Variants in LRFN5 observed in about 807,000 individuals in gnomAD.
LRFN5 encodes the protein leucine-rich repeat and fibronectin type-III domain-containing protein 5.
LRFN5 carries 24 observed loss-of-function variants against 45.6 expected under a neutral mutation model. That is an observed-to-expected ratio of 0.53 (90% confidence interval 0.38 to 0.74). The LOEUF is 0.74. Among genes scored for constraint, LRFN5 ranks in the 30% least tolerant of loss-of-function variants. LRFN5 has a pLI of 0.00. For synonymous variants in LRFN5, 340 were observed against 313.8 expected (o/e 1.08, Z -0.88); for missense variants, 776 against 861.5 (o/e 0.90, Z 1.24).
chr14:41,733,082 C>CA (rs1884251477), intron 1 of LRFN5, among the ~76,000 whole-genome samples: 1 of 150,446 alleles, frequency 6.6e-6, no homozygotes, highest in African/African-American at 2.5e-5. Context: ...ACAAAAGGAC[C>CA]ATTGGTATGT....
intron 1 of LRFN5, among the ~76,000 whole-genome samples, chr14:41,670,213 G>GTA (rs1277887662): frequency 7.7e-6 from 1 of 130,158 alleles, no homozygotes; most frequent in African/African-American, 2.9e-5. Flanking sequence ...CTGTGTGTGT[G>GTA]TGTATATATA....
intron 2 of LRFN5, among the ~76,000 whole-genome samples, chr14:41,876,695 C>G (rs1394738385): frequency 1.3e-5 from 2 of 152,032 alleles, no homozygotes; most frequent in Non-Finnish European, 2.9e-5. Context: ...TTACTACCTA[C>G]CTGCCCTCTC....
intron 1 of LRFN5, among the ~76,000 whole-genome samples, chr14:41,747,177 A>C (rs969059407): frequency 1.5e-4 from 23 of 151,948 alleles, no homozygotes; most frequent in African/African-American, 5.1e-4. Context: ...TTGTTGAAGA[A>C]ATTTTTAAAA....
At chr14:41,828,251 GTTA>G (rs1341822879) in intron 2 of LRFN5, among the ~76,000 whole-genome samples, 2 of 151,852 alleles carry the variant, frequency 1.3e-5, no homozygotes, top group African/African-American at 4.8e-5. Context: ...AGTTATTGCT[GTTA>G]TTATAGGATA....
intron 2 of LRFN5, among the ~76,000 whole-genome samples, chr14:41,866,090 G>T (rs559451010): frequency 6.6e-6 from 1 of 152,104 alleles, no homozygotes; most frequent in Admixed American, 6.6e-5. Context: ...TATTATTTGG[G>T]ATTTGATGAC....
intron 2 of LRFN5, among the ~76,000 whole-genome samples, chr14:41,881,059 A>G (rs1314342051): frequency 6.6e-6 from 1 of 152,138 alleles, no homozygotes; most frequent in African/African-American, 2.4e-5. Flanking sequence ...TAGGCAGGAT[A>G]AAAACCTTTG....
intron 1 of LRFN5, among the ~76,000 whole-genome samples, chr14:41,732,847 A>G (rs1273860488): frequency 1.3e-5 from 2 of 151,978 alleles, no homozygotes; most frequent in Non-Finnish European, 2.9e-5. Context: ...CGTCAACACA[A>G]TTATATGTGA....
At position 41,788,681 on chromosome 14, in the gene LRFN5, A is replaced by G. The variant is rs1008940431; in HGVS notation, c.-21+21652A>G. Among the ~76,000 whole-genome samples, 4 of 152,186 alleles carry G rather than the reference A, an allele frequency of 2.6e-5. No individual in the cohort carries two copies. The South Asian group carries it at 6.2e-4, about 24-fold the overall frequency. ...TCTACATTAACATGCTTTACTAACT[A>G]GCCTTTATCTACGATTTATTTACTT... is the stretch of plus-strand genomic sequence containing the variant. On this transcript the variant is annotated intron_variant, in intron 2 of 5. Transcript: ENST00000298119.
chr14:41,817,142 A>G (rs891269866), intron 2 of LRFN5, among the ~76,000 whole-genome samples: 5 of 151,674 alleles, frequency 3.3e-5, no homozygotes, highest in African/African-American at 1.2e-4. Flanking sequence ...TTCTTTATTA[A>G]AATTTTTATA....
At chr14:41,850,009 A>G (rs10131436) in intron 2 of LRFN5, among the ~76,000 whole-genome samples, 112,860 of 151,628 alleles carry the variant, frequency 0.74, 42,567 homozygotes, top group African/African-American at 0.87. Flanking sequence ...CAAGGGTTAG[A>G]ATAGAAACAA....
intron 1 of LRFN5, among the ~76,000 whole-genome samples, chr14:41,636,370 A>C (rs548912777): frequency 3.1e-4 from 47 of 152,256 alleles, no homozygotes; most frequent in African/African-American, 1.1e-3. Flanking sequence ...CATTTTTGAT[A>C]TCATGGAGGT....
chr14:41,876,320 G>A (rs12880178), intron 2 of LRFN5, among the ~76,000 whole-genome samples: 11,177 of 121,668 alleles, frequency 0.092, 542 homozygotes, highest in Middle Eastern at 0.3. Context: ...TCGCTCTGTC[G>A]CCCAGGCTGG....
intron 1 of LRFN5, among the ~76,000 whole-genome samples, chr14:41,614,827 A>T (rs1950838): frequency 0.49 from 74,393 of 151,744 alleles, 18,328 homozygotes; most frequent in Non-Finnish European, 0.52. Flanking sequence ...ACTGTTATTA[A>T]CATTATCACC....
rs1423958353 is a variant in LRFN5, at chr14:41,607,269, C to G, written c.-1490C>G. On this transcript the variant is annotated 5_prime_UTR_variant, in exon 1 of 6. Transcript: ENST00000298119. ...GAGCTCTGGCTGTGAACACAGCCCA[C>G]CCATATAATCCATTTTGCACGGTCC... 6.6e-6 allele frequency among the ~76,000 whole-genome samples: 1 copy of G among 151,742 alleles called. No homozygotes were observed. The highest frequency in any genetic ancestry group is 2.0e-4 in the East Asian group (1 of 5,112).
intron 2 of LRFN5, among the ~76,000 whole-genome samples, chr14:41,844,071 G>A (rs1260629516): frequency 6.6e-6 from 1 of 152,148 alleles, no homozygotes; most frequent in Middle Eastern, 3.2e-3. Flanking sequence ...ACAATTTTTG[G>A]TTATGCTAAT....
chr14:41,786,437 C>T (rs1886723546), intron 2 of LRFN5, among the ~76,000 whole-genome samples: 2 of 151,484 alleles, frequency 1.3e-5, no homozygotes, highest in Admixed American at 1.3e-4. Flanking sequence ...CAACTCTCTT[C>T]TTTCTTACAT....
At chr14:41,833,646 A>G (rs1888561003) in intron 2 of LRFN5, among the ~76,000 whole-genome samples, 1 of 152,196 alleles carries the variant, frequency 6.6e-6, no homozygotes, top group Non-Finnish European at 1.5e-5. Context: ...TGTGCAAAGA[A>G]CATTTAGTGT....
chr14:41,755,125 C>A (rs1434145581), intron 1 of LRFN5, among the ~76,000 whole-genome samples: 12 of 151,938 alleles, frequency 7.9e-5, no homozygotes, highest in Non-Finnish European at 1.2e-4. Context: ...CTGTGGTCTG[C>A]GAGACAGTTT....
intron 2 of LRFN5, among the ~76,000 whole-genome samples, chr14:41,781,678 GAA>G (rs1021903878): frequency 2.5e-4 from 37 of 150,102 alleles, no homozygotes; most frequent in African/African-American, 6.8e-4. Flanking sequence ...AAGAAAGAAA[GAA>G]AGAGAAAGAA....
Sources: allele counts gnomAD v4.1 joint callset (sites outside exome capture counted in the v4.1 genomes callset), GRCh38; gene constraint gnomAD v4.1.1; transcripts MANE v1.5; gene names NCBI Gene and HGNC (gene_info 2026-07-23, HGNC 2026-07-21).